UNC5C: variants seen among roughly 807,000 people sequenced by gnomAD.
The protein encoded by UNC5C is netrin receptor UNC5C.
In UNC5C, 47 loss-of-function variants were observed where a neutral mutation model predicts 99.8. That is an observed-to-expected ratio of 0.47 (90% CI 0.37 to 0.60). The LOEUF is 0.60. UNC5C is among the 20% of genes least tolerant of loss of function. The pLI, the probability that UNC5C is intolerant of heterozygous loss-of-function variation, is 0.00. For missense variants in UNC5C, 1,062 were observed against 1,165.9 expected, an observed-to-expected ratio of 0.91 and a Z score of 1.30; for synonymous variants, 487 against 452.2, an observed-to-expected ratio of 1.08 and a Z score of -0.98.
intron 1 of UNC5C, among the ~76,000 whole-genome samples, chr4:95,376,506 A>T (rs1356268234): frequency 2.0e-5 from 3 of 152,198 alleles, no homozygotes; most frequent in Non-Finnish European, 4.4e-5. Flanking sequence ...GAATCAATTT[A>T]TACCTTTAGA....
At position 95,167,317 on chromosome 4, in the gene UNC5C, A is replaced by G. The variant is rs1441473627; in HGVS notation, c.*1917T>C. The G allele has an allele frequency of 6.6e-6, 1 of 152,212 alleles. No individual in the cohort carries two copies. Among genetic ancestry groups the G allele is most frequent in the Non-Finnish European group, 1.5e-5 (1 of 68,038 alleles). 9.4% of individuals were successfully genotyped at this position (152,212 alleles called of 1,614,324 possible). On this transcript the variant is annotated 3_prime_UTR_variant, in exon 16 of 16. Transcript: ENST00000453304. ...TAATCCCCACCTGCTGAATGAATTG[A>G]GTCCTTGTGTTTGTTAAAGAGCTTG...
At chr4:95,337,574 C>T (rs1010103298) in intron 1 of UNC5C, among the ~76,000 whole-genome samples, 1 of 151,870 alleles carries the variant, frequency 6.6e-6, no homozygotes, top group African/African-American at 2.4e-5. Flanking sequence ...TCAAAAGCAG[C>T]TCTGTTAAAT....
intron 1 of UNC5C, among the ~76,000 whole-genome samples, chr4:95,368,633 AGT>A (rs1744652104): frequency 6.6e-6 from 1 of 152,158 alleles, no homozygotes; most frequent in Admixed American, 6.5e-5. Context: ...CTCCAAATCA[AGT>A]GTTTGAGATG....
intron 1 of UNC5C, among the ~76,000 whole-genome samples, chr4:95,522,607 C>A (rs988455604): frequency 6.6e-6 from 1 of 152,152 alleles, no homozygotes; most frequent in Non-Finnish European, 1.5e-5. Context: ...AGTATCCTGA[C>A]TTTTTAATTA....
At chr4:95,425,015 AT>A (rs78179686) in intron 1 of UNC5C, among the ~76,000 whole-genome samples, 1 of 151,964 alleles carries the variant, frequency 6.6e-6, no homozygotes, top group East Asian at 1.9e-4. Flanking sequence ...CTGGACTTAC[AT>A]TTTTTTTCAT....
At chr4:95,478,952 C>G (rs1482437840) in intron 1 of UNC5C, among the ~76,000 whole-genome samples, 1 of 151,870 alleles carries the variant, frequency 6.6e-6, no homozygotes, top group Non-Finnish European at 1.5e-5. Context: ...GCTTTCTCTC[C>G]TATTCCCCCT....
At chr4:95,175,544 T>C (rs1472742985) in intron 14 of UNC5C, among the ~76,000 whole-genome samples, 1 of 152,158 alleles carries the variant, frequency 6.6e-6, no homozygotes, top group Non-Finnish European at 1.5e-5. Context: ...TTGAAAATTC[T>C]TTTCTTTAAG....
intron 12 of UNC5C, among the ~76,000 whole-genome samples, chr4:95,188,719 A>G (rs1736943301): frequency 6.6e-6 from 1 of 152,200 alleles, no homozygotes; most frequent in Non-Finnish European, 1.5e-5. Context: ...ACTCAATAAG[A>G]CATGGCTTTA....
intron 4 of UNC5C, among the ~76,000 whole-genome samples, chr4:95,251,840 G>A (rs1739749669): frequency 6.6e-6 from 1 of 152,102 alleles, no homozygotes; most frequent in Non-Finnish European, 1.5e-5. Context: ...CTCAAATAAT[G>A]CTCCTCTAAT....
At chr4:95,245,168 A>G in intron 5 of UNC5C, 24 bp from the exon 6 acceptor site, 2 of 1,606,128 alleles carry the variant, frequency 1.2e-6, no homozygotes, top group Non-Finnish European at 1.7e-6. Context: ...AACAGTAAAA[A>G]GTGGATTAAA....
At chr4:95,324,530 T>C (rs1261542170) in intron 2 of UNC5C, among the ~76,000 whole-genome samples, 1 of 152,178 alleles carries the variant, frequency 6.6e-6, no homozygotes, top group Non-Finnish European at 1.5e-5. Flanking sequence ...AAAATTGTTT[T>C]CCATGAAAAC....
At chr4:95,526,887 C>A (rs1328388228) in intron 1 of UNC5C, among the ~76,000 whole-genome samples, 1 of 151,888 alleles carries the variant, frequency 6.6e-6, no homozygotes, top group Non-Finnish European at 1.5e-5. Flanking sequence ...ATAATTATTT[C>A]TACTAAGTCC....
At chr4:95,174,686 GTGTGGTGTGGTGC>G (rs1736262461) in intron 14 of UNC5C, among the ~76,000 whole-genome samples, 1 of 150,104 alleles carries the variant, frequency 6.7e-6, no homozygotes, top group Non-Finnish European at 1.5e-5. Flanking sequence ...TTTGGAATAG[GTGTGGTGTGGTGC>G]TGAAAAAAAT....
Position 95,310,858 on chromosome 4 carries a change from G to A in UNC5C, c.347-9109C>T, listed in dbSNP as rs183898607. 6.3e-3 allele frequency among the ~76,000 whole-genome samples: 953 copies of A among 152,204 alleles called. 6 individuals carry two copies. Among genetic ancestry groups the A allele is most frequent in the African/African-American group, 0.021 (889 of 41,518 alleles). On this transcript the variant is annotated intron_variant, in intron 2 of 15. Coordinates refer to ENST00000453304, the MANE Select transcript of UNC5C (RefSeq NM_003728.4). ...AGCTCTATGACAACTATAGATCAAC[G>A]CACGGTTTTCTGCCTTAAAACTTGA...
At chr4:95,424,664 G>C (rs1746423124) in intron 1 of UNC5C, among the ~76,000 whole-genome samples, 1 of 151,198 alleles carries the variant, frequency 6.6e-6, no homozygotes. Context: ...TGGGACTACA[G>C]GTGCCCCCCA....
intron 9 of UNC5C, among the ~76,000 whole-genome samples, chr4:95,217,413 G>C (rs1329284830): frequency 6.6e-6 from 1 of 152,162 alleles, no homozygotes; most frequent in Non-Finnish European, 1.5e-5. Context: ...TGTACAGAAT[G>C]ATTTGTGGAG....
At chr4:95,521,735 T>G (rs1722364250) in intron 1 of UNC5C, among the ~76,000 whole-genome samples, 1 of 152,224 alleles carries the variant, frequency 6.6e-6, no homozygotes, top group African/African-American at 2.4e-5. Flanking sequence ...TTCATAAACC[T>G]TCCAAAATAC....
At position 95,390,017 on chromosome 4, in the gene UNC5C, G is replaced by C. The variant is rs1012926076; in HGVS notation, c.125-54386C>G. On this transcript the variant is annotated intron_variant, in intron 1 of 15. Transcript: ENST00000453304. Reference sequence around the variant, plus strand: ...TGACTGTAAGTTCATTAATTGTCTTGAAAATAGTGTAATAGTATGCCCCAA... The same window carrying C: ...TGACTGTAAGTTCATTAATTGTCTTCAAAATAGTGTAATAGTATGCCCCAA... Among the ~76,000 whole-genome samples, 9 of 152,056 alleles carry C rather than the reference G, an allele frequency of 5.9e-5. No individual in the cohort carries two copies. In the East Asian group the frequency reaches 1.3e-3, roughly 23 times the overall value.
intron 1 of UNC5C, among the ~76,000 whole-genome samples, chr4:95,452,400 T>C (rs1747303171): frequency 6.6e-6 from 1 of 152,038 alleles, no homozygotes; most frequent in South Asian, 2.1e-4. Flanking sequence ...CCAGAGGTGA[T>C]AATGGACTCT....
Sources: allele counts gnomAD v4.1 joint callset (sites outside exome capture counted in the v4.1 genomes callset), GRCh38; gene constraint gnomAD v4.1.1; transcripts MANE v1.5; gene names NCBI Gene and HGNC (gene_info 2026-07-23, HGNC 2026-07-21).